RUNX1: variants seen among roughly 807,000 people sequenced by gnomAD.
RUNX1 encodes the protein RUNX family transcription factor 1.
In RUNX1, 19 loss-of-function variants were observed where a neutral mutation model predicts 42.8. The observed-to-expected ratio is 0.44, with a 90% CI of 0.31 to 0.65. The LOEUF is 0.65. RUNX1 is among the 30% of genes least tolerant of loss of function. The pLI, the probability that RUNX1 is intolerant of heterozygous loss-of-function variation, is 0.07. For synonymous variants in RUNX1, 271 were observed against 289.4 expected, an observed-to-expected ratio of 0.94 and a Z score of 0.64; for missense variants, 528 against 672.0, an observed-to-expected ratio of 0.79 and a Z score of 2.37.
chr21:34,852,650 G>A lies in RUNX1; in HGVS notation c.613+6824C>T, dbSNP rs182310321. ...CTGAAATGCCTTTCAAAGTGGGGAG[G>A]AGGGGATGTGAGTCACGACAGCATT... On this transcript the variant is annotated intron_variant, in intron 6 of 8. Coordinates refer to ENST00000675419, the MANE Select transcript of RUNX1 (RefSeq NM_001754.5). 2.6e-5 allele frequency among the ~76,000 whole-genome samples: 4 copies of A among 152,328 alleles called. No individual in the cohort carries two copies. The East Asian group carries it at 7.7e-4, about 29-fold the overall frequency.
chr21:34,926,799 T>C (rs1352706425), intron 2 of RUNX1, among the ~76,000 whole-genome samples: 1 of 152,022 alleles, frequency 6.6e-6, no homozygotes, highest in Non-Finnish European at 1.5e-5. Flanking sequence ...TGAAAGCATT[T>C]AGCTTTCACC....
intron 2 of RUNX1, among the ~76,000 whole-genome samples, chr21:34,900,405 A>G (rs2058167679): frequency 6.6e-6 from 1 of 152,198 alleles, no homozygotes; most frequent in South Asian, 2.1e-4. Flanking sequence ...CTAGTCTGCT[A>G]GTGCTTGAGT....
intron 2 of RUNX1, among the ~76,000 whole-genome samples, chr21:34,978,102 T>A (rs1181540912): frequency 6.6e-6 from 1 of 152,128 alleles, no homozygotes; most frequent in Non-Finnish European, 1.5e-5. Flanking sequence ...CATGCCCGGC[T>A]AATTTTTTGT....
chr21:35,048,943 C>A lies in RUNX1; in HGVS notation c.-44G>T. 2 of 1,579,608 alleles carry A rather than the reference C, an allele frequency of 1.3e-6. No individual in the cohort carries two copies. Among genetic ancestry groups the A allele is most frequent in the South Asian group, 2.2e-5 (2 of 90,450 alleles). On this transcript the variant is annotated 5_prime_UTR_variant, in exon 2 of 9. An upstream open reading frame in the 5' UTR gains an earlier in-frame stop. Coordinates refer to ENST00000675419, the MANE Select transcript of RUNX1 (RefSeq NM_001754.5). Reference sequence around the variant, plus strand: ...CACCCTCTTCTGAAGGCGGGGGACTCAATGATTTCTTTTACCTTCGGAGCG... The same window carrying A: ...CACCCTCTTCTGAAGGCGGGGGACTAAATGATTTCTTTTACCTTCGGAGCG...
intron 2 of RUNX1, among the ~76,000 whole-genome samples, chr21:34,938,532 C>CCTCCTTCTT (rs1472771841): frequency 2.7e-5 from 4 of 150,472 alleles, no homozygotes; most frequent in Non-Finnish European, 5.9e-5. Flanking sequence ...TCCTCCTTCT[C>CCTCCTTCTT]CTCCTTCTTC....
intron 7 of RUNX1, chr21:34,832,894 T>A (rs1314256596): frequency 1.3e-5 from 2 of 152,144 alleles, no homozygotes; most frequent in East Asian, 3.9e-4. Flanking sequence ...AACATCAAGC[T>A]TTAGGTTTCT....
Position 34,788,056 on chromosome 21 carries a change from G to A in RUNX1, c.*4079C>T, listed in dbSNP as rs766385076. On this transcript the variant is annotated 3_prime_UTR_variant, in exon 9 of 9. Transcript: ENST00000675419. The stretch of plus-strand genomic sequence containing the variant: ...CTATCTAGAAACACCTTGGAGAGAG[G>A]GTTCTGGGATATTCTCTCATGTCAT... 1 of 233,194 alleles carries A rather than the reference G, an allele frequency of 4.3e-6. No individual in the cohort carries two copies. Among genetic ancestry groups the A allele is most frequent in the Non-Finnish European group, 8.5e-6 (1 of 118,080 alleles). 14.4% of individuals were successfully genotyped at this position (233,194 alleles called of 1,614,324 possible).
At chr21:34,950,817 C>A (rs1451787531) in intron 2 of RUNX1, among the ~76,000 whole-genome samples, 2 of 152,158 alleles carry the variant, frequency 1.3e-5, no homozygotes, top group African/African-American at 4.8e-5. Context: ...CTGTGGATGG[C>A]CCCCCAAGAT....
intron 2 of RUNX1, among the ~76,000 whole-genome samples, chr21:35,018,530 A>G (rs1289158322): frequency 1.3e-5 from 2 of 152,188 alleles, no homozygotes; most frequent in African/African-American, 4.8e-5. Context: ...ACGAATGCAT[A>G]TATCTTACAA....
chr21:34,795,611 CGTT>C (rs966162602), intron 8 of RUNX1, among the ~76,000 whole-genome samples: 32 of 152,258 alleles, frequency 2.1e-4, no homozygotes, highest in African/African-American at 7.2e-4. Context: ...GCAGGGAAAA[CGTT>C]GTAAACGGAC....
chr21:34,851,993 C>T (rs371548526), intron 6 of RUNX1, among the ~76,000 whole-genome samples: 7 of 152,178 alleles, frequency 4.6e-5, no homozygotes, highest in African/African-American at 1.7e-4. Context: ...ACAGTGAAAC[C>T]CCATCTCTAC....
chr21:34,956,499 T>C (rs1008682239), intron 2 of RUNX1, among the ~76,000 whole-genome samples: 22 of 152,160 alleles, frequency 1.4e-4, no homozygotes, highest in Admixed American at 5.9e-4. Context: ...TGCAGCTCCA[T>C]AGAGATACAA....
chr21:34,967,188 CAG>C (rs1438455263), intron 2 of RUNX1, among the ~76,000 whole-genome samples: 1 of 151,160 alleles, frequency 6.6e-6, no homozygotes, highest in Admixed American at 6.6e-5. Flanking sequence ...GGCATGGTGG[CAG>C]GCGCCTGTAA....
intron 7 of RUNX1, among the ~76,000 whole-genome samples, chr21:34,819,245 C>T (rs2056873689): frequency 6.6e-6 from 1 of 152,212 alleles, no homozygotes; most frequent in South Asian, 2.1e-4. Flanking sequence ...CTCCTCATAC[C>T]TGTTCTTTAG....
In RUNX1 at chr21:34,799,446, T is replaced by C. The variant is rs370766377; in HGVS notation, c.822A>G (p.Gln274=). Residue 274 remains glutamine (Q), a synonymous_variant, in exon 8 of 9, where the codon CAA becomes CAG. Coordinates refer to ENST00000675419, the MANE Select transcript of RUNX1 (RefSeq NM_001754.5). ...QSQMQDTRQI[Q]PSPPWSYDQS... ...GATCGTAGGACCACGGTGGGGATGG[T>C]TGGATCTGCCTTGTATCTGAAGAGA... The C allele has an allele frequency of 1.9e-6, 3 of 1,614,144 alleles. No individual in the cohort carries two copies. Among genetic ancestry groups the C allele is most frequent in the Non-Finnish European group, 2.5e-6 (3 of 1,180,002 alleles).
At chr21:34,875,367 A>G (rs1418341317) in intron 5 of RUNX1, among the ~76,000 whole-genome samples, 1 of 152,244 alleles carries the variant, frequency 6.6e-6, no homozygotes, top group Non-Finnish European at 1.5e-5. Context: ...GTCGAAAAGC[A>G]GCATTTGTTA....
At chr21:34,996,122 A>G (rs774619736) in intron 2 of RUNX1, among the ~76,000 whole-genome samples, 1 of 152,040 alleles carries the variant, frequency 6.6e-6, no homozygotes, top group Non-Finnish European at 1.5e-5. Flanking sequence ...ACTTGGGAGG[A>G]CCATGAGGCT....
intron 2 of RUNX1, among the ~76,000 whole-genome samples, chr21:35,010,177 A>G (rs752805858): frequency 1.3e-5 from 2 of 150,692 alleles, no homozygotes; most frequent in Non-Finnish European, 3.0e-5. Flanking sequence ...ACCATATTGC[A>G]TATTTTGGTT....
At chr21:34,891,400 TGAAAA>T (rs774681797) in intron 3 of RUNX1, among the ~76,000 whole-genome samples, 3 of 152,168 alleles carry the variant, frequency 2.0e-5, no homozygotes, top group African/African-American at 4.8e-5. Context: ...GGTGCCCTCT[TGAAAA>T]GAAGAAACAG....
Sources: gnomAD v4.1 joint callset for allele counts (sites outside exome capture counted in the v4.1 genomes callset) on GRCh38, gnomAD v4.1.1 for gene constraint, MANE v1.5 for transcripts, NCBI Gene and HGNC (gene_info 2026-07-23, HGNC 2026-07-21) for gene names.